RFTN2: variants seen among roughly 807,000 people sequenced by gnomAD.
The protein encoded by RFTN2 is raftlin family member 2.
Under a neutral mutation model 52.7 loss-of-function variants are expected in RFTN2, and 34 were observed. The ratio of observed to expected loss-of-function variants is 0.64; its 90% CI spans 0.49 to 0.86. RFTN2 has a LOEUF of 0.86. RFTN2 is among the 40% of genes least tolerant of loss of function. RFTN2 has a pLI of 0.00. For synonymous variants in RFTN2, 203 were observed against 217.7 expected (o/e 0.93, Z 0.59); for missense variants, 536 against 600.1 (o/e 0.89, Z 1.12).
chr2:197,612,093 G>T (rs1322653963), intron 7 of RFTN2, among the ~76,000 whole-genome samples: 1 of 152,164 alleles, frequency 6.6e-6, no homozygotes, highest in Non-Finnish European at 1.5e-5. Context: ...CTGTAGATTT[G>T]GGGTGGAGAG....
chr2:197,625,466 G>A (rs1012520105), intron 5 of RFTN2, among the ~76,000 whole-genome samples: 2 of 152,044 alleles, frequency 1.3e-5, no homozygotes, highest in African/African-American at 4.8e-5. Context: ...CTGCCCAGAG[G>A]TGGGCCCGGG....
At chr2:197,647,160 C>G (rs1026389353) in intron 1 of RFTN2, among the ~76,000 whole-genome samples, 2 of 151,926 alleles carry the variant, frequency 1.3e-5, no homozygotes, top group Non-Finnish European at 2.9e-5. Flanking sequence ...ATAGGAGATA[C>G]AATAATTTGA....
At chr2:197,628,511 A>C (rs568504761) in intron 5 of RFTN2, among the ~76,000 whole-genome samples, 11 of 152,240 alleles carry the variant, frequency 7.2e-5, no homozygotes, top group Non-Finnish European at 1.0e-4. Flanking sequence ...GATGCCTGAG[A>C]GAGATTGTGA....
chr2:197,612,757 G>A (rs1445226302), intron 7 of RFTN2, among the ~76,000 whole-genome samples: 1 of 152,210 alleles, frequency 6.6e-6, no homozygotes, highest in East Asian at 1.9e-4. Flanking sequence ...GGTAATTGAA[G>A]CAACAACTTT....
At chr2:197,639,694 C>T (rs1487799633) in intron 3 of RFTN2, among the ~76,000 whole-genome samples, 20 of 122,252 alleles carry the variant, frequency 1.6e-4, no homozygotes, top group South Asian at 6.3e-4. Flanking sequence ...AATGTCCTCC[C>T]GTAGCTCAGA....
chr2:197,618,943 C>T (rs1430915719), intron 5 of RFTN2, among the ~76,000 whole-genome samples: 2 of 151,662 alleles, frequency 1.3e-5, no homozygotes, highest in Admixed American at 1.3e-4. Context: ...CCACCTCGTC[C>T]GGGAGGGAGG....
chr2:197,653,783 A>G (rs1320137292), intron 1 of RFTN2, among the ~76,000 whole-genome samples: 1 of 152,220 alleles, frequency 6.6e-6, no homozygotes, highest in Non-Finnish European at 1.5e-5. Flanking sequence ...TCCATAAGAA[A>G]GGCATGGAGC....
intron 5 of RFTN2, among the ~76,000 whole-genome samples, chr2:197,628,789 A>T (rs1159839221): frequency 6.6e-6 from 1 of 152,220 alleles, no homozygotes; most frequent in Non-Finnish European, 1.5e-5. Context: ...CTTTACATTT[A>T]TTATATCTTG....
intron 5 of RFTN2, among the ~76,000 whole-genome samples, chr2:197,621,548 A>G (rs1230955472): frequency 6.6e-6 from 1 of 151,470 alleles, no homozygotes; most frequent in East Asian, 1.9e-4. Context: ...CTTTTTCATT[A>G]TTATTCTATC....
chr2:197,609,269 T>C (rs2088016002), intron 7 of RFTN2, among the ~76,000 whole-genome samples: 1 of 152,242 alleles, frequency 6.6e-6, no homozygotes, highest in South Asian at 2.1e-4. Context: ...AGTGTCCCTA[T>C]TTCTCCACAT....
intron 7 of RFTN2, among the ~76,000 whole-genome samples, chr2:197,608,353 C>T (rs1189314143): frequency 6.6e-6 from 1 of 150,736 alleles, no homozygotes; most frequent in East Asian, 1.9e-4. Flanking sequence ...ACTCTGTTAC[C>T]CAGGCTGGCG....
At chr2:197,585,757 C>T (rs2087586147) in intron 8 of RFTN2, among the ~76,000 whole-genome samples, 1 of 152,174 alleles carries the variant, frequency 6.6e-6, no homozygotes, top group African/African-American at 2.4e-5. Context: ...TTTAACAGCC[C>T]TCACCTTTAC....
Position 197,603,958 on chromosome 2 carries a change from A to G in RFTN2, c.1155-7889T>C, listed in dbSNP as rs972267535. Among the ~76,000 whole-genome samples, 13 of 152,038 alleles carry G rather than the reference A, an allele frequency of 8.6e-5. No homozygotes were observed. In the Middle Eastern group the frequency reaches 0.01, roughly 119 times the overall value. ...GCAAAAACAAAAAACAAAAAAACAT[A>G]GAATTTTAAATGTGGGCAAAAAGAC... On this transcript the variant is annotated intron_variant, in intron 7 of 8. Transcript: ENST00000295049.
At chr2:197,642,078 G>A (rs2088682979) in intron 3 of RFTN2, among the ~76,000 whole-genome samples, 1 of 152,140 alleles carries the variant, frequency 6.6e-6, no homozygotes, top group Admixed American at 6.5e-5. Context: ...AACAATATGC[G>A]TAGTTTGTTT....
At position 197,675,342 on chromosome 2, in the gene RFTN2, T is replaced by C; in HGVS notation, c.117A>G (p.Val39=). The C allele has an allele frequency of 6.2e-7, 1 of 1,602,810 alleles. No homozygotes were observed. The highest frequency in any genetic ancestry group is 8.5e-7 in the Non-Finnish European group (1 of 1,174,924). Residue 39 remains valine, a synonymous_variant, in exon 1 of 9, where the codon GTA becomes GTG. Transcript: ENST00000295049. The part of the protein sequence containing the change: ...ETKTEFAYEY[V]LLDFTLQASS... ...TACCTTGTAGAGTAAAATCCAGCAA[T>C]ACATATTCGTAAGCAAATTCTGTCT...
At chr2:197,594,118 C>T (rs1392845394) in intron 8 of RFTN2, among the ~76,000 whole-genome samples, 3 of 148,812 alleles carry the variant, frequency 2.0e-5, no homozygotes, top group East Asian at 2.0e-4. Flanking sequence ...TGGGTTCAAG[C>T]GATTCTCCTG....
intron 7 of RFTN2, among the ~76,000 whole-genome samples, chr2:197,602,963 T>C (rs1272299782): frequency 1.3e-5 from 2 of 152,142 alleles, no homozygotes; most frequent in Non-Finnish European, 2.9e-5. Context: ...CTCAGCAAAC[T>C]ATCACAAGGA....
At chr2:197,643,014 A>G (rs1414040227) in intron 3 of RFTN2, among the ~76,000 whole-genome samples, 1 of 152,174 alleles carries the variant, frequency 6.6e-6, no homozygotes, top group African/African-American at 2.4e-5. Flanking sequence ...TTCTTACTAA[A>G]TAGATATTCA....
chr2:197,655,622 G>A (rs1329747994), intron 1 of RFTN2, among the ~76,000 whole-genome samples: 1 of 152,108 alleles, frequency 6.6e-6, no homozygotes, highest in Non-Finnish European at 1.5e-5. Flanking sequence ...TCAAGAGATC[G>A]AGACCATCCT....
Sources: allele counts gnomAD v4.1 joint callset (sites outside exome capture counted in the v4.1 genomes callset), GRCh38; gene constraint gnomAD v4.1.1; transcripts MANE v1.5; gene names NCBI Gene and HGNC (gene_info 2026-07-23, HGNC 2026-07-21).